The following SPACA7 variants were observed in gnomAD, a reference collection of about 807,000 sequenced individuals.
The protein encoded by SPACA7 is sperm acrosome associated 7, also known as sperm acrosome-associated protein 7.
SPACA7 carries 19 observed loss-of-function variants against 26.3 expected under a neutral mutation model. The ratio of observed to expected loss-of-function variants is 0.72; its 90% CI spans 0.50 to 1.06. The LOEUF (loss-of-function observed/expected upper bound fraction) is 1.06. SPACA7 is among the 50% of genes least tolerant of loss of function. The probability of loss-of-function intolerance (pLI) is 0.00; values close to 1 mark genes in which losing one functional copy is unlikely to be tolerated. For synonymous variants in SPACA7, 84 were observed against 84.5 expected (o/e 0.99, Z 0.04); for missense variants, 211 against 229.9 (o/e 0.92, Z 0.53).
intron 1 of SPACA7, among the ~76,000 whole-genome samples, chr13:112,379,053 G>A (rs1883877477): frequency 6.6e-6 from 1 of 152,198 alleles, no homozygotes; most frequent in Non-Finnish European, 1.5e-5. Flanking sequence ...CGGAAGCAGA[G>A]AGTTCTTTAA....
chr13:112,419,078 G>A (rs1316769987), intron 5 of SPACA7, among the ~76,000 whole-genome samples: 2 of 151,856 alleles, frequency 1.3e-5, no homozygotes, highest in Non-Finnish European at 2.9e-5. Context: ...TAAAAAGTGG[G>A]ATCATCTACA....
intron 5 of SPACA7, among the ~76,000 whole-genome samples, chr13:112,409,235 A>C (rs2138995176): frequency 6.6e-6 from 1 of 152,330 alleles, no homozygotes; most frequent in East Asian, 1.9e-4. Flanking sequence ...TAAAGACTTA[A>C]ATGTTAGACC....
intron 3 of SPACA7, 141 bp downstream of exon 3, chr13:112,398,279 C>G: frequency 1.6e-6 from 1 of 639,798 alleles, no homozygotes; most frequent in East Asian, 2.7e-5. Flanking sequence ...GAGATGTGAA[C>G]AATATGGCAT....
At chr13:112,385,392 A>G (rs1293037009) in intron 1 of SPACA7, among the ~76,000 whole-genome samples, 1 of 152,204 alleles carries the variant, frequency 6.6e-6, no homozygotes, top group East Asian at 1.9e-4. Context: ...TTATGTTATA[A>G]TGTTAATTCT....
intron 1 of SPACA7, chr13:112,382,373 C>A: frequency 6.6e-7 from 1 of 1,516,334 alleles, no homozygotes; most frequent in African/African-American, 1.4e-5. Context: ...GCTGGGACTA[C>A]AGGCATGAGC....
intron 1 of SPACA7, chr13:112,382,519 G>A (rs1241855857): frequency 4.5e-6 from 7 of 1,549,562 alleles, no homozygotes; most frequent in African/African-American, 2.7e-5. Flanking sequence ...TGAGAACAGT[G>A]GAACCGTTTT....
intron 5 of SPACA7, among the ~76,000 whole-genome samples, chr13:112,412,262 C>A (rs958727037): frequency 2.6e-5 from 4 of 152,092 alleles, no homozygotes; most frequent in African/African-American, 9.7e-5. Context: ...CAGTTCAGAT[C>A]TTTTGCCCAT....
chr13:112,402,729 T>C (rs1420806441), intron 5 of SPACA7, among the ~76,000 whole-genome samples: 1 of 152,200 alleles, frequency 6.6e-6, no homozygotes, highest in African/African-American at 2.4e-5. Flanking sequence ...TTTGTCAAAG[T>C]CTTTTTTATC....
chr13:112,423,638 A>T (rs1876220496), intron 5 of SPACA7, among the ~76,000 whole-genome samples: 1 of 152,242 alleles, frequency 6.6e-6, no homozygotes, highest in African/African-American at 2.4e-5. Context: ...AGCAAGGGGC[A>T]GTGTTTGAAG....
intron 5 of SPACA7, among the ~76,000 whole-genome samples, chr13:112,416,289 T>TTGTTGTTG (rs34676220): frequency 0.11 from 10,790 of 99,776 alleles, 702 homozygotes; most frequent in African/African-American, 0.2. Context: ...GTTGTTGTTG[T>TTGTTGTTG]TTGTTGTTGT....
At chr13:112,421,346 T>C (rs565656219) in intron 5 of SPACA7, among the ~76,000 whole-genome samples, 2 of 151,612 alleles carry the variant, frequency 1.3e-5, no homozygotes, top group Admixed American at 1.3e-4. Flanking sequence ...TAGACTGCAA[T>C]AAGTTAGAGA....
intron 6 of SPACA7, among the ~76,000 whole-genome samples, chr13:112,433,568 C>A (rs529045404): frequency 1.3e-5 from 2 of 151,670 alleles, no homozygotes; most frequent in Admixed American, 1.3e-4. Context: ...CGTGGGAAGC[C>A]GGCCAGCTCG....
At chr13:112,414,981 A>G (rs1886596636) in intron 5 of SPACA7, among the ~76,000 whole-genome samples, 1 of 152,176 alleles carries the variant, frequency 6.6e-6, no homozygotes, top group Non-Finnish European at 1.5e-5. Context: ...AAGGAGACTG[A>G]CTGACTGTTG....
intron 1 of SPACA7, among the ~76,000 whole-genome samples, chr13:112,391,015 T>C (rs767326151): frequency 2.6e-5 from 4 of 151,582 alleles, no homozygotes; most frequent in Non-Finnish European, 5.9e-5. Flanking sequence ...GGGAGGAGAG[T>C]CTGGTCACAG....
intron 1 of SPACA7, among the ~76,000 whole-genome samples, chr13:112,383,129 GAAAGAAAGAAAGAA>G (rs1884255052): frequency 1.2e-4 from 1 of 8,278 alleles, no homozygotes; most frequent in Non-Finnish European, 2.3e-4. Flanking sequence ...AGAAAAGAAA[GAAAGAAAGAAAGAA>G]AGAAAGAAAG....
chr13:112,377,074 C>T (rs972206070), intron 1 of SPACA7, among the ~76,000 whole-genome samples: 1 of 152,168 alleles, frequency 6.6e-6, no homozygotes, highest in African/African-American at 2.4e-5. Flanking sequence ...GTGGGCTCAA[C>T]TCCAAATACA....
At chr13:112,403,138 C>T (rs1885753834) in intron 5 of SPACA7, among the ~76,000 whole-genome samples, 1 of 152,002 alleles carries the variant, frequency 6.6e-6, no homozygotes, top group African/African-American at 2.4e-5. Flanking sequence ...GGGGTAGTTC[C>T]TTAATAACTT....
intron 5 of SPACA7, among the ~76,000 whole-genome samples, chr13:112,422,472 C>T (rs1876084856): frequency 6.6e-6 from 1 of 152,164 alleles, no homozygotes; most frequent in Non-Finnish European, 1.5e-5. Context: ...ACAATCCACC[C>T]AGCAACAGAA....
intron 5 of SPACA7, among the ~76,000 whole-genome samples, chr13:112,417,858 G>A (rs890436987): frequency 6.6e-6 from 1 of 152,110 alleles, no homozygotes; most frequent in Non-Finnish European, 1.5e-5. Context: ...CAGGAACAGA[G>A]ATTCTTCACT....
Sources: allele counts gnomAD v4.1 joint callset (sites outside exome capture counted in the v4.1 genomes callset), GRCh38; gene constraint gnomAD v4.1.1; transcripts MANE v1.5; gene names NCBI Gene and HGNC (gene_info 2026-07-23, HGNC 2026-07-21).